RGS6: variants seen among roughly 807,000 people sequenced by gnomAD.
RGS6 encodes the protein regulator of G protein signaling 6.
Under a neutral mutation model 78.5 loss-of-function variants are expected in RGS6, and 30 were observed. The observed-to-expected ratio is 0.38, with a 90% CI of 0.29 to 0.52. The LOEUF is 0.52. Among genes scored for constraint, RGS6 ranks in the 20% least tolerant of loss-of-function variants. The probability of loss-of-function intolerance (pLI) is 0.85; values close to 1 mark genes in which losing one functional copy is unlikely to be tolerated. For missense variants in RGS6, 495 were observed against 609.7 expected, an observed-to-expected ratio of 0.81 and a Z score of 1.98; for synonymous variants, 206 against 206.0, an observed-to-expected ratio of 1.00 and a Z score of 0.00.
intron 2 of RGS6, among the ~76,000 whole-genome samples, chr14:72,005,409 AC>A (rs1191458247): frequency 7.1e-6 from 1 of 141,434 alleles, no homozygotes; most frequent in Non-Finnish European, 1.6e-5. Context: ...TCCAAAAATT[AC>A]ATATTTCCAA....
intron 3 of RGS6, among the ~76,000 whole-genome samples, chr14:72,437,200 G>A (rs1352261191): frequency 3.3e-5 from 5 of 149,346 alleles, no homozygotes; most frequent in Non-Finnish European, 1.5e-5. Flanking sequence ...AATTAGCCAG[G>A]CATGGTGGCG....
chr14:72,335,528 G>A (rs2239247), intron 2 of RGS6, among the ~76,000 whole-genome samples: 33,472 of 152,052 alleles, frequency 0.22, 3,905 homozygotes, highest in East Asian at 0.43. Flanking sequence ...CAGCTTGGCC[G>A]TGACAGCCTG....
chr14:72,174,116 C>CT lies in RGS6; in HGVS notation c.85-177970dup, dbSNP rs5809561. On this transcript the variant is annotated intron_variant, in intron 2 of 17. Coordinates refer to ENST00000553525, the MANE Select transcript of RGS6 (RefSeq NM_001204424.2). ...TTTAAGGGCGAGAACACATTGGATT[C>CT]TTTTTTTTTGAGGTGGGGTTTCACT... Among the ~76,000 whole-genome samples, 14 of 151,824 alleles carry CT rather than the reference C, an allele frequency of 9.2e-5. 1 individual carries two copies. Among genetic ancestry groups the CT allele is most frequent in the African/African-American group, 4.8e-5 (2 of 41,302 alleles).
chr14:72,547,100 A>C, intron 17 of RGS6: 1 of 1,408,056 alleles, frequency 7.1e-7, no homozygotes, highest in African/African-American at 1.4e-5. Flanking sequence ...GGCCCCCCGC[A>C]GGATAAACAG....
At position 72,383,177 on chromosome 14, in the gene RGS6, CATATATATATATATATATAT is replaced by C. The variant is rs35175623; in HGVS notation, c.184+31001_184+31020del. Among the ~76,000 whole-genome samples the C allele has an allele frequency of 4.8e-3, 339 of 71,032 alleles. 3 individuals are homozygous for C. The highest frequency in any genetic ancestry group is 0.03 in the East Asian group (105 of 3,498). 46.6% of individuals were successfully genotyped at this position (71,032 alleles called of 152,430 possible). A position where few individuals can be genotyped will look rare whatever the true frequency, so the allele number is the denominator to read the frequency against. ...TATTTACAGCCATGAAAAAATTGTA[CATATATATATATATATATAT>C]ATATATATATATATATACACACAAA... On this transcript the variant is annotated intron_variant, in intron 3 of 17. Transcript: ENST00000553525.
At chr14:72,222,592 T>C (rs1283996064) in intron 2 of RGS6, among the ~76,000 whole-genome samples, 1 of 152,220 alleles carries the variant, frequency 6.6e-6, no homozygotes, top group African/African-American at 2.4e-5. Context: ...ATGATACCAA[T>C]TGCAGAAATG....
At chr14:72,036,200 A>AGTCTTAT (rs138140828) in intron 2 of RGS6, among the ~76,000 whole-genome samples, 162 of 146,814 alleles carry the variant, frequency 1.1e-3, no homozygotes, top group African/African-American at 1.9e-3. Flanking sequence ...GCATGTAAAC[A>AGTCTTAT]TATTATTATT....
chr14:72,034,212 C>T (rs948196358), intron 2 of RGS6, among the ~76,000 whole-genome samples: 7 of 152,004 alleles, frequency 4.6e-5, no homozygotes, highest in African/African-American at 1.2e-4. Flanking sequence ...ACTATGTTGA[C>T]GAGAAGTGGC....
intron 2 of RGS6, among the ~76,000 whole-genome samples, chr14:72,008,972 A>T (rs940431347): frequency 3.3e-5 from 5 of 152,204 alleles, no homozygotes; most frequent in African/African-American, 1.2e-4. Flanking sequence ...ACTGTAAACA[A>T]TATTATTTAT....
chr14:72,025,608 A>G (rs973536873), intron 2 of RGS6, among the ~76,000 whole-genome samples: 2 of 152,108 alleles, frequency 1.3e-5, no homozygotes, highest in Non-Finnish European at 2.9e-5. Flanking sequence ...GCCTTTCCAT[A>G]GGGCCAAGTC....
At chr14:72,289,248 T>G (rs1233706897) in intron 2 of RGS6, among the ~76,000 whole-genome samples, 5 of 152,168 alleles carry the variant, frequency 3.3e-5, no homozygotes, top group African/African-American at 1.2e-4. Flanking sequence ...CTAACCTGCA[T>G]GCTCTCCCTC....
intron 2 of RGS6, among the ~76,000 whole-genome samples, chr14:71,971,404 T>A (rs1372356280): frequency 6.6e-6 from 1 of 152,224 alleles, no homozygotes; most frequent in African/African-American, 2.4e-5. Flanking sequence ...TTGTTGATTC[T>A]CTCAAGGCAG....
At chr14:72,032,857 C>T (rs1299496269) in intron 2 of RGS6, among the ~76,000 whole-genome samples, 5 of 151,962 alleles carry the variant, frequency 3.3e-5, no homozygotes, top group South Asian at 2.1e-4. Flanking sequence ...TCTGTTAATC[C>T]GTTGACATTT....
intron 2 of RGS6, among the ~76,000 whole-genome samples, chr14:72,173,750 TC>T (rs2153687018): frequency 6.6e-6 from 1 of 152,220 alleles, no homozygotes; most frequent in African/African-American, 2.4e-5. Context: ...ACTGGAACCT[TC>T]CCGTCCCCTC....
rs565990828 is a variant in RGS6 at position 72,171,510 on chromosome 14, C to T, written c.85-180585C>T. 5.3e-5 allele frequency among the ~76,000 whole-genome samples: 8 copies of T among 152,300 alleles called. No individual in the cohort carries two copies. In the South Asian group the frequency reaches 1.2e-3, roughly 24 times the overall value. On this transcript the variant is annotated intron_variant, in intron 2 of 17. Transcript: ENST00000553525. Reference sequence around the variant, plus strand: ...TGAAAACATAAGGTACCACTGTGATCGAGGTTTTACCAAATTTTAACTTTC... The same window carrying T: ...TGAAAACATAAGGTACCACTGTGATTGAGGTTTTACCAAATTTTAACTTTC...
At chr14:72,048,259 A>T (rs1404754962) in intron 2 of RGS6, among the ~76,000 whole-genome samples, 1 of 152,184 alleles carries the variant, frequency 6.6e-6, no homozygotes, top group Non-Finnish European at 1.5e-5. Context: ...AATTTCTATC[A>T]AGCTTCAGAA....
chr14:71,964,255 C>T (rs1184729346), intron 1 of RGS6, among the ~76,000 whole-genome samples: 1 of 152,162 alleles, frequency 6.6e-6, no homozygotes, highest in African/African-American at 2.4e-5. Flanking sequence ...GCCTGTAATG[C>T]CAGCAGTTTG....
intron 15 of RGS6, among the ~76,000 whole-genome samples, chr14:72,529,059 CT>C (rs759420691): frequency 2.0e-5 from 3 of 152,184 alleles, no homozygotes; most frequent in Non-Finnish European, 4.4e-5. Flanking sequence ...CGTTTACTGT[CT>C]TTGTGTTTCC....
intron 10 of RGS6, among the ~76,000 whole-genome samples, chr14:72,476,532 G>A (rs1271593046): frequency 1.3e-5 from 2 of 152,234 alleles, no homozygotes; most frequent in African/African-American, 4.8e-5. Context: ...CCCAATAAAA[G>A]ATAGGATTTG....
Sources: gnomAD v4.1 joint callset for allele counts (sites outside exome capture counted in the v4.1 genomes callset) on GRCh38, gnomAD v4.1.1 for gene constraint, MANE v1.5 for transcripts, NCBI Gene and HGNC (gene_info 2026-07-23, HGNC 2026-07-21) for gene names.